The following TEK variants were observed in gnomAD, a reference collection of about 807,000 sequenced individuals.
The protein encoded by TEK is angiopoietin-1 receptor.
In TEK, 43 loss-of-function variants were observed where a neutral mutation model predicts 131.8. The observed-to-expected ratio is 0.33, with a 90% CI of 0.26 to 0.42. The LOEUF (loss-of-function observed/expected upper bound fraction) is 0.42, where lower values mean the gene tolerates loss of function less well. Among genes scored for constraint, TEK ranks in the 10% least tolerant of loss-of-function variants. TEK has a pLI of 1.00. For missense variants in TEK, 1,162 were observed against 1,384.4 expected, an observed-to-expected ratio of 0.84 and a Z score of 2.55; for synonymous variants, 580 against 491.6, an observed-to-expected ratio of 1.18 and a Z score of -2.38.
chr9:27,208,334 C>T (rs1049770918), intron 15 of TEK, among the ~76,000 whole-genome samples: 2 of 150,962 alleles, frequency 1.3e-5, no homozygotes, highest in African/African-American at 4.8e-5. Context: ...CCTTTCCTTG[C>T]CACCCAATGT....
At position 27,109,262 on chromosome 9, in the gene TEK, G is replaced by T. The variant is rs561322897; in HGVS notation, c.-329G>T. The T allele has an allele frequency of 9.6e-5, 50 of 522,706 alleles. No homozygotes were observed. The highest frequency in any genetic ancestry group is 8.7e-4 in the African/African-American group (45 of 51,748). 32.4% of individuals were successfully genotyped at this position (522,706 alleles called of 1,614,324 possible). A position where few individuals can be genotyped will look rare whatever the true frequency, so the allele number is the denominator to read the frequency against. On this transcript the variant is annotated 5_prime_UTR_variant, in exon 1 of 23. Coordinates refer to ENST00000380036, the MANE Select transcript of TEK (RefSeq NM_000459.5). Reference sequence around the variant, plus strand: ...AGCAGCAGCAAAAGCAGCAGCAGAAGCAACAGCAACAGATAAGTGTTTTGA... The same window carrying T: ...AGCAGCAGCAAAAGCAGCAGCAGAATCAACAGCAACAGATAAGTGTTTTGA...
rs940964074 is a variant in TEK, at chr9:27,213,569, G to T, written c.2963G>T (p.Gly988Val). 6.2e-7 allele frequency: 1 copy of T among 1,613,736 alleles called. No homozygotes were observed. Among genetic ancestry groups the T allele is most frequent in the Non-Finnish European group, 8.5e-7 (1 of 1,179,822 alleles). Residue 988 changes from glycine to valine, a missense_variant, in exon 18 of 23, where the codon GGT (glycine) becomes GTT (valine). Physicochemically the swap from Gly to Val is moderately radical, Grantham distance 109 (BLOSUM62 -3). Transcript: ENST00000380036. ...AKIADFGLSR[G>V]QEVYVKKTMG... ...ATAGCAGATTTTGGATTGTCCCGAGGTCAAGAGGTGTATGTGAAAAAGACA... is the reference window on the plus strand; with the variant it reads ...ATAGCAGATTTTGGATTGTCCCGAGTTCAAGAGGTGTATGTGAAAAAGACA...
At chr9:27,194,364 C>G (rs965218795) in intron 11 of TEK, among the ~76,000 whole-genome samples, 7 of 152,058 alleles carry the variant, frequency 4.6e-5, no homozygotes, top group African/African-American at 1.7e-4. Flanking sequence ...CTTAAAGAAC[C>G]AAATGAGACT....
chr9:27,227,368 A>G (rs1826380639), intron 21 of TEK, among the ~76,000 whole-genome samples: 1 of 152,298 alleles, frequency 6.6e-6, no homozygotes, highest in Non-Finnish European at 1.5e-5. Flanking sequence ...ACATGATGCA[A>G]GGGGAAAGGA....
chr9:27,229,899 A>C lies in TEK; in HGVS notation c.*667A>C, dbSNP rs1338525044. The C allele has an allele frequency of 6.6e-6, 1 of 152,584 alleles. No homozygotes were observed. The highest frequency in any genetic ancestry group is 1.5e-5 in the Non-Finnish European group (1 of 68,304). 9.5% of individuals were successfully genotyped at this position (152,584 alleles called of 1,614,324 possible). The stretch of plus-strand genomic sequence containing the variant: ...AATCTCATTGCTTACAAGCCTAAGA[A>C]TCTTTAGAGAAGTATACATAAGTTT... On this transcript the variant is annotated 3_prime_UTR_variant, in exon 23 of 23. Transcript: ENST00000380036.
At chr9:27,149,365 G>A (rs890638391) in intron 1 of TEK, among the ~76,000 whole-genome samples, 1 of 152,146 alleles carries the variant, frequency 6.6e-6, no homozygotes, top group Admixed American at 6.5e-5. Flanking sequence ...CTATAAAATT[G>A]AGTGTAAATG....
intron 1 of TEK, among the ~76,000 whole-genome samples, chr9:27,156,979 A>G (rs936369337): frequency 2.0e-5 from 3 of 152,178 alleles, no homozygotes; most frequent in Non-Finnish European, 1.5e-5. Flanking sequence ...AGAAATCAAA[A>G]AAGGGAGGGG....
intron 22 of TEK, among the ~76,000 whole-genome samples, 179 bp downstream of exon 22, chr9:27,228,484 A>G (rs921318780): frequency 6.6e-6 from 1 of 152,174 alleles, no homozygotes; most frequent in Non-Finnish European, 1.5e-5. Context: ...TTGGGGGGAA[A>G]TAAGATTTCT....
chr9:27,116,328 G>A (rs1470873158), intron 1 of TEK, among the ~76,000 whole-genome samples: 1 of 151,804 alleles, frequency 6.6e-6, no homozygotes, highest in East Asian at 1.9e-4. Flanking sequence ...TTGCTGTGTC[G>A]CCCAGGCTGG....
intron 1 of TEK, among the ~76,000 whole-genome samples, chr9:27,142,985 G>A (rs1424079573): frequency 6.6e-6 from 1 of 152,172 alleles, no homozygotes; most frequent in East Asian, 1.9e-4. Flanking sequence ...CACTGCTATT[G>A]TGAAACACAA....
chr9:27,204,904 T>C lies in TEK; in HGVS notation c.2210-7T>C, dbSNP rs771899615. ...ACTACCTGCTTCACCTCTGTCTTCC[T>C]GCACAGCACCAGCGGACCTCGGAGG... On this transcript the variant is annotated splice_region_variant and splice_polypyrimidine_tract_variant and intron_variant, in intron 13 of 22. Coordinates refer to ENST00000380036, the MANE Select transcript of TEK (RefSeq NM_000459.5). The C allele has an allele frequency of 1.2e-6, 2 of 1,613,870 alleles. No homozygotes were observed. Among genetic ancestry groups the C allele is most frequent in the East Asian group, 2.2e-5 (1 of 44,878 alleles).
intron 1 of TEK, among the ~76,000 whole-genome samples, chr9:27,138,218 T>C (rs984154455): frequency 9.9e-5 from 15 of 152,240 alleles, no homozygotes; most frequent in South Asian, 2.1e-4. Flanking sequence ...GATTCCACAG[T>C]GTGGAAGGGG....
chr9:27,197,213 C>G, intron 11 of TEK, 102 bp from the exon 12 acceptor site: 7 of 1,338,542 alleles, frequency 5.2e-6, no homozygotes, highest in Non-Finnish European at 7.3e-6. Flanking sequence ...GGCCCCACCT[C>G]CAACACTGGG....
chr9:27,200,344 A>C (rs894912219), intron 12 of TEK, among the ~76,000 whole-genome samples: 1 of 152,220 alleles, frequency 6.6e-6, no homozygotes, highest in African/African-American at 2.4e-5. Flanking sequence ...TTTCATCCTC[A>C]TTAGAATGAT....
At chr9:27,229,059 G>A in intron 22 of TEK, 99 bp from the exon 23 acceptor site, 1 of 1,011,426 alleles carries the variant, frequency 9.9e-7, no homozygotes, top group Non-Finnish European at 1.6e-6. Flanking sequence ...TAGTATATGA[G>A]TTGCAACAAA....
intron 1 of TEK, among the ~76,000 whole-genome samples, chr9:27,135,546 C>T (rs1052963889): frequency 6.6e-6 from 1 of 152,174 alleles, no homozygotes; most frequent in African/African-American, 2.4e-5. Flanking sequence ...ACTGTTAATA[C>T]AGCCTCCATA....
intron 1 of TEK, among the ~76,000 whole-genome samples, chr9:27,114,377 C>A (rs1369995813): frequency 6.6e-6 from 1 of 152,130 alleles, no homozygotes; most frequent in African/African-American, 2.4e-5. Context: ...CCGAGACCAG[C>A]CTGACCAACA....
intron 11 of TEK, chr9:27,195,574 G>A (rs951755224): frequency 2.0e-5 from 9 of 451,252 alleles, no homozygotes; most frequent in African/African-American, 1.8e-4. Flanking sequence ...GCATGAATTA[G>A]AGGATCTCTA....
intron 22 of TEK, 67 bp from the exon 23 acceptor site, chr9:27,229,091 T>C (rs1564116119): frequency 1.4e-6 from 2 of 1,449,848 alleles, no homozygotes; most frequent in East Asian, 2.3e-5. Context: ...AAGGTATTGC[T>C]GTAACTGCCG....
Sources: gnomAD v4.1 joint callset for allele counts (sites outside exome capture counted in the v4.1 genomes callset) on GRCh38, gnomAD v4.1.1 for gene constraint, MANE v1.5 for transcripts, NCBI Gene and HGNC (gene_info 2026-07-23, HGNC 2026-07-21) for gene names.